ASIC2: variants seen among roughly 807,000 people sequenced by gnomAD.
ASIC2 encodes acid-sensing ion channel 2.
A neutral mutation model predicts 57.3 loss-of-function variants in ASIC2; 25 were observed. That is an observed-to-expected ratio of 0.44 (90% confidence interval 0.32 to 0.61). ASIC2 has a LOEUF of 0.61. ASIC2 is among the 20% of genes least tolerant of loss of function. ASIC2 has a pLI of 0.06. For synonymous variants in ASIC2, 319 were observed against 307.5 expected (o/e 1.04, Z -0.39); for missense variants, 641 against 738.1 (o/e 0.87, Z 1.52).
chr17:33,929,309 T>C (rs1750354587), intron 1 of ASIC2, among the ~76,000 whole-genome samples: 1 of 152,218 alleles, frequency 6.6e-6, no homozygotes, highest in African/African-American at 2.4e-5. Context: ...ATTAGGTTAG[T>C]GCTCACTCCC....
At chr17:33,599,515 G>A (rs941960918) in intron 1 of ASIC2, among the ~76,000 whole-genome samples, 1 of 152,214 alleles carries the variant, frequency 6.6e-6, no homozygotes, top group African/African-American at 2.4e-5. Context: ...AGAACTACCG[G>A]GGCTGAGTGT....
chr17:33,930,639 G>A (rs1183128550), intron 1 of ASIC2, among the ~76,000 whole-genome samples: 3 of 152,236 alleles, frequency 2.0e-5, no homozygotes, highest in African/African-American at 4.8e-5. Context: ...GTGCTGAGAA[G>A]TACCACTATA....
chr17:33,930,586 C>T (rs1227093665), intron 1 of ASIC2, among the ~76,000 whole-genome samples: 1 of 152,214 alleles, frequency 6.6e-6, no homozygotes, highest in African/African-American at 2.4e-5. Context: ...ATAAAGTTTG[C>T]TTCAAACAAA....
At chr17:33,756,674 G>T (rs2142109041) in intron 1 of ASIC2, among the ~76,000 whole-genome samples, 1 of 152,320 alleles carries the variant, frequency 6.6e-6, no homozygotes, top group Admixed American at 6.5e-5. Flanking sequence ...CTCTGAGGTA[G>T]GAAAGTTACT....
chr17:33,481,728 G>A (rs1178259749), intron 1 of ASIC2, among the ~76,000 whole-genome samples: 2 of 152,132 alleles, frequency 1.3e-5, no homozygotes, highest in Non-Finnish European at 1.5e-5. Context: ...AAACCACAGT[G>A]AAAACCTCTT....
chr17:33,221,907 C>T (rs570765445), intron 1 of ASIC2, among the ~76,000 whole-genome samples: 18 of 152,252 alleles, frequency 1.2e-4, no homozygotes, highest in African/African-American at 4.3e-4. Context: ...TATACTTCAC[C>T]GATGATTGAT....
At chr17:33,605,670 G>T (rs915365093) in intron 1 of ASIC2, among the ~76,000 whole-genome samples, 1 of 152,198 alleles carries the variant, frequency 6.6e-6, no homozygotes, top group African/African-American at 2.4e-5. Flanking sequence ...TCTGCATGAA[G>T]AACTCTGATT....
Position 33,668,720 on chromosome 17 carries a change from A to T in ASIC2, c.555+487258T>A, listed in dbSNP as rs191574956. Among the ~76,000 whole-genome samples, 203 of 152,272 alleles carry T rather than the reference A, an allele frequency of 1.3e-3. No individual in the cohort carries two copies. The Middle Eastern group carries it at 0.014, about 10-fold the overall frequency. On this transcript the variant is annotated intron_variant, in intron 1 of 9. Coordinates refer to the ASIC2 transcript ENST00000359872. ...TTATTCTGCTGACCTCAGCTTTCACATCCTTATCAGTGCCTATGTCAGAGA... is the reference window on the plus strand; with the variant it reads ...TTATTCTGCTGACCTCAGCTTTCACTTCCTTATCAGTGCCTATGTCAGAGA...
chr17:33,272,876 G>A (rs58430184), intron 1 of ASIC2, among the ~76,000 whole-genome samples: 13,363 of 152,216 alleles, frequency 0.088, 758 homozygotes, highest in South Asian at 0.23. Flanking sequence ...TGAGCCCTGG[G>A]AGGAGAGACA....
At chr17:33,182,820 G>A (rs1469593982) in intron 1 of ASIC2, among the ~76,000 whole-genome samples, 1 of 152,134 alleles carries the variant, frequency 6.6e-6, no homozygotes, top group Non-Finnish European at 1.5e-5. Flanking sequence ...GTAGACTGCT[G>A]TTCCTAAAGA....
chr17:33,324,752 T>C (rs569693877), intron 1 of ASIC2, among the ~76,000 whole-genome samples: 97 of 152,292 alleles, frequency 6.4e-4, no homozygotes, highest in African/African-American at 2.3e-3. Context: ...ACAGCATCTT[T>C]GACAGCACAA....
chr17:33,040,472 GATAGTTTCTAAGCTCCAGGGTCT>G (rs1364179325), intron 3 of ASIC2, among the ~76,000 whole-genome samples: 1 of 152,232 alleles, frequency 6.6e-6, no homozygotes, highest in Non-Finnish European at 1.5e-5. Context: ...GTCTGGACCA[GATAGTTTCTAAGCTCCAGGGTCT>G]TCAAAGTCTT....
At chr17:33,571,430 A>C (rs1475610301) in intron 1 of ASIC2, among the ~76,000 whole-genome samples, 2 of 152,234 alleles carry the variant, frequency 1.3e-5, no homozygotes, top group East Asian at 3.8e-4. Flanking sequence ...ACCCAGAGGT[A>C]TACTTAGCGC....
At position 33,242,153 on chromosome 17, in the gene ASIC2, C is replaced by T. The variant is rs1484072038; in HGVS notation, c.708+49255G>A. On this transcript the variant is annotated intron_variant, in intron 1 of 9. Transcript: ENST00000225823. ...CTAACACGGTGAAACCCCGTCTCTA[C>T]TAAAAATACAAAAATTAGCCAGGCA... Among the ~76,000 whole-genome samples, 4 of 152,080 alleles carry T rather than the reference C, an allele frequency of 2.6e-5. No homozygotes were observed. The South Asian group carries it at 6.2e-4, about 24-fold the overall frequency.
At chr17:33,772,684 G>A (rs538819687) in intron 1 of ASIC2, among the ~76,000 whole-genome samples, 6 of 152,106 alleles carry the variant, frequency 3.9e-5, no homozygotes, top group Non-Finnish European at 8.8e-5. Flanking sequence ...AGGAAGAAAG[G>A]GAACTAATGT....
intron 1 of ASIC2, among the ~76,000 whole-genome samples, chr17:33,222,713 T>C (rs1435574514): frequency 1.3e-5 from 2 of 152,224 alleles, no homozygotes; most frequent in Non-Finnish European, 2.9e-5. Flanking sequence ...GGAATGTTTG[T>C]AGCATGGGGA....
intron 1 of ASIC2, among the ~76,000 whole-genome samples, chr17:33,876,284 C>CT (rs1393820369): frequency 6.6e-6 from 1 of 152,204 alleles, no homozygotes; most frequent in African/African-American, 2.4e-5. Context: ...GAAGAGGAGT[C>CT]TTAGTGTCAC....
rs369500855 is a variant in ASIC2, at chr17:34,099,134, G to A, written c.555+56844C>T. Among the ~76,000 whole-genome samples, 99 of 25,858 alleles carry A rather than the reference G, an allele frequency of 3.8e-3. 2 individuals are homozygous for A. The highest frequency in any genetic ancestry group is 8.7e-3 in the South Asian group (4 of 462). 17.0% of individuals were successfully genotyped at this position (25,858 alleles called of 152,430 possible). A position where few individuals can be genotyped will look rare whatever the true frequency, so the allele number is the denominator to read the frequency against. Reference sequence around the variant, plus strand: ...AGAGAGAGAGAGAGAGAGAGAGAGAGAGAGAGAGAGACAGAGAGAGAGAGA... The same window carrying A: ...AGAGAGAGAGAGAGAGAGAGAGAGAAAGAGAGAGAGACAGAGAGAGAGAGA... On this transcript the variant is annotated intron_variant, in intron 1 of 9. Transcript: ENST00000359872.
At chr17:33,420,148 T>G (rs1326699057) in intron 1 of ASIC2, among the ~76,000 whole-genome samples, 1 of 152,226 alleles carries the variant, frequency 6.6e-6, no homozygotes, top group Non-Finnish European at 1.5e-5. Context: ...AGCATATGCC[T>G]TCTGCACGTC....
Sources: allele counts gnomAD v4.1 joint callset (sites outside exome capture counted in the v4.1 genomes callset), GRCh38; gene constraint gnomAD v4.1.1; transcripts MANE v1.5; gene names NCBI Gene and HGNC (gene_info 2026-07-23, HGNC 2026-07-21).